The following PTPRD variants were observed in gnomAD, a reference collection of about 807,000 sequenced individuals.
The protein encoded by PTPRD is receptor-type tyrosine-protein phosphatase delta.
In PTPRD, 34 loss-of-function variants were observed where a neutral mutation model predicts 214.5. The ratio of observed to expected loss-of-function variants is 0.16; its 90% CI spans 0.12 to 0.21. PTPRD has a LOEUF of 0.21. Ranked by LOEUF, PTPRD falls within the 10% of genes least tolerant of loss-of-function variation. The pLI is 1.00. For missense variants in PTPRD, 2,545 were observed against 2,398.7 expected (o/e 1.06, Z -1.27); for synonymous variants, 1,128 against 845.7 (o/e 1.33, Z -5.79).
rs74908605 is a variant in PTPRD, at chr9:10,134,797, C to T, written c.-544-101007G>A. Among the ~76,000 whole-genome samples, 1,328 of 152,190 alleles carry T rather than the reference C, an allele frequency of 8.7e-3. 22 individuals carry two copies. The highest frequency in any genetic ancestry group is 0.03 in the African/African-American group (1,255 of 41,504). ...TGAGGAAGAATTAGTACATTAACTACGGCAATTCAAAAAGTCAGCATCTTC... is the reference window on the plus strand; with the variant it reads ...TGAGGAAGAATTAGTACATTAACTATGGCAATTCAAAAAGTCAGCATCTTC... On this transcript the variant is annotated intron_variant, in intron 3 of 45. Transcript: ENST00000381196.
At chr9:8,371,655 C>T (rs1464300856) in intron 39 of PTPRD, among the ~76,000 whole-genome samples, 1 of 152,026 alleles carries the variant, frequency 6.6e-6, no homozygotes, top group African/African-American at 2.4e-5. Context: ...TGCATTCCAG[C>T]TTAAAGAAAT....
At chr9:9,012,834 A>G (rs1328527134) in intron 11 of PTPRD, among the ~76,000 whole-genome samples, 2 of 152,166 alleles carry the variant, frequency 1.3e-5, no homozygotes, top group African/African-American at 4.8e-5. Context: ...AAACTTCACA[A>G]AACTCAGCAA....
chr9:10,528,990 G>GA (rs1411690681), intron 2 of PTPRD, among the ~76,000 whole-genome samples: 1 of 152,054 alleles, frequency 6.6e-6, no homozygotes, highest in African/African-American at 2.4e-5. Flanking sequence ...AGATGTGCCG[G>GA]AAAAATTTAT....
At chr9:10,294,304 G>T (rs372408093) in intron 3 of PTPRD, among the ~76,000 whole-genome samples, 1 of 151,642 alleles carries the variant, frequency 6.6e-6, no homozygotes, top group Non-Finnish European at 1.5e-5. Context: ...TGAAAATACA[G>T]GAAGAAAAAA....
At chr9:9,632,510 T>C (rs1342055356) in intron 7 of PTPRD, among the ~76,000 whole-genome samples, 3 of 152,106 alleles carry the variant, frequency 2.0e-5, no homozygotes, top group African/African-American at 4.8e-5. Flanking sequence ...ATCTTGTAAA[T>C]ATATTAAAAA....
At chr9:8,585,203 T>C (rs2093543331) in intron 14 of PTPRD, among the ~76,000 whole-genome samples, 1 of 152,194 alleles carries the variant, frequency 6.6e-6, no homozygotes, top group Non-Finnish European at 1.5e-5. Context: ...TAGTCAACTC[T>C]ACTAAATTTT....
intron 3 of PTPRD, among the ~76,000 whole-genome samples, chr9:10,278,671 T>G (rs2094878860): frequency 6.6e-6 from 1 of 152,196 alleles, no homozygotes; most frequent in Non-Finnish European, 1.5e-5. Context: ...ACATTAAACT[T>G]TACTACTGAT....
rs185615231 is a variant in PTPRD, at chr9:9,994,448, C to T, written c.-472+39270G>A. On this transcript the variant is annotated intron_variant, in intron 4 of 45. Coordinates refer to ENST00000381196, the MANE Select transcript of PTPRD (RefSeq NM_002839.4). ...ACTGTATATTAAAATTCAGAACTGA[C>T]GTCTTATCTGTTTGTTTATCTCCCT... Among the ~76,000 whole-genome samples, 117 of 152,192 alleles carry T rather than the reference C, an allele frequency of 7.7e-4. 1 individual carries two copies. Among genetic ancestry groups the T allele is most frequent in the African/African-American group, 2.4e-3 (99 of 41,538 alleles).
At chr9:8,543,007 T>C (rs1396952407) in intron 14 of PTPRD, among the ~76,000 whole-genome samples, 1 of 152,110 alleles carries the variant, frequency 6.6e-6, no homozygotes, top group Non-Finnish European at 1.5e-5. Context: ...CAGCCAATGG[T>C]CTCCTGAATA....
intron 4 of PTPRD, among the ~76,000 whole-genome samples, chr9:9,979,385 G>A (rs981191318): frequency 2.0e-5 from 3 of 152,064 alleles, no homozygotes; most frequent in South Asian, 4.2e-4. Flanking sequence ...ACAGTTAAGT[G>A]TGTATCTTCT....
rs760953800 is a variant in PTPRD at position 8,500,896 on chromosome 9, A to T, written c.1986T>A (p.Ile662=). The part of the protein sequence containing the change: ...VDGEDDKPHE[I]LGIPSDTTKY... ...TGGTAGTGTCCGAAGGAATTCCCAA[A>T]ATCTCGTGAGGCTTGTCATCTTCCC... The change falls in exon 24 of 46, where the codon ATT becomes ATA. Residue 662 remains isoleucine, a synonymous_variant. Coordinates refer to ENST00000381196, the MANE Select transcript of PTPRD (RefSeq NM_002839.4). 1 of 1,614,162 alleles carries T rather than the reference A, an allele frequency of 6.2e-7. No individual in the cohort carries two copies. The highest frequency in any genetic ancestry group is 1.1e-5 in the South Asian group (1 of 91,070).
chr9:8,332,543 G>GAAAAA (rs34969664), intron 43 of PTPRD, among the ~76,000 whole-genome samples: 3 of 151,868 alleles, frequency 2.0e-5, no homozygotes, highest in Admixed American at 6.6e-5. Flanking sequence ...CCAAAAGGTA[G>GAAAAA]AAAAAAAAGC....
intron 7 of PTPRD, among the ~76,000 whole-genome samples, chr9:9,714,536 G>C (rs2097785986): frequency 6.6e-6 from 1 of 152,190 alleles, no homozygotes; most frequent in African/African-American, 2.4e-5. Flanking sequence ...ACTCAGTAAT[G>C]TAATTCAGAC....
intron 11 of PTPRD, among the ~76,000 whole-genome samples, chr9:8,768,207 C>CA (rs1473973544): frequency 6.6e-6 from 1 of 152,082 alleles, no homozygotes; most frequent in African/African-American, 2.4e-5. Flanking sequence ...CCACCCTGGG[C>CA]AACATAGTGA....
intron 9 of PTPRD, among the ~76,000 whole-genome samples, chr9:9,366,664 C>A (rs1410594779): frequency 6.6e-6 from 1 of 151,420 alleles, no homozygotes; most frequent in Admixed American, 6.6e-5. Context: ...ATACCAGTTA[C>A]ATTTCTTATT....
chr9:10,448,438 T>C (rs1030555530), intron 2 of PTPRD, among the ~76,000 whole-genome samples: 3 of 151,956 alleles, frequency 2.0e-5, no homozygotes, highest in Admixed American at 6.5e-5. Flanking sequence ...ATCAAGATCA[T>C]ATAAATCAGG....
chr9:9,913,635 C>G (rs931894472), intron 5 of PTPRD, among the ~76,000 whole-genome samples: 8 of 152,152 alleles, frequency 5.3e-5, no homozygotes, highest in African/African-American at 1.9e-4. Flanking sequence ...TTTGCTGAGT[C>G]AGGAGGGACT....
intron 14 of PTPRD, among the ~76,000 whole-genome samples, chr9:8,617,489 T>C (rs1400188297): frequency 6.6e-6 from 1 of 152,140 alleles, no homozygotes; most frequent in Non-Finnish European, 1.5e-5. Flanking sequence ...ACATCAGATA[T>C]GTCACTTAGA....
intron 5 of PTPRD, among the ~76,000 whole-genome samples, chr9:9,767,915 A>G (rs1442662613): frequency 6.6e-6 from 1 of 152,158 alleles, no homozygotes; most frequent in Non-Finnish European, 1.5e-5. Context: ...GAAGATGTCT[A>G]TGGAGCTACT....
Sources: allele counts gnomAD v4.1 joint callset (sites outside exome capture counted in the v4.1 genomes callset), GRCh38; gene constraint gnomAD v4.1.1; transcripts MANE v1.5; gene names NCBI Gene and HGNC (gene_info 2026-07-23, HGNC 2026-07-21).